Variants in THOC5 observed in about 807,000 individuals in gnomAD.
The protein encoded by THOC5 is Fms-interacting protein.
In THOC5, 43 loss-of-function variants were observed where a neutral mutation model predicts 92.9. The ratio of observed to expected loss-of-function variants is 0.46; its 90% CI spans 0.36 to 0.60. The LOEUF is 0.60. Among genes scored for constraint, THOC5 ranks in the 20% least tolerant of loss-of-function variants. The probability of loss-of-function intolerance (pLI) is 0.00; values close to 1 mark genes in which losing one functional copy is unlikely to be tolerated. For synonymous variants in THOC5, 296 were observed against 320.1 expected, an observed-to-expected ratio of 0.92 and a Z score of 0.80; for missense variants, 659 against 849.4, an observed-to-expected ratio of 0.78 and a Z score of 2.79.
Position 29,543,546 on chromosome 22 carries a change from T to G in THOC5, c.241-4A>C. 6.2e-7 allele frequency: 1 copy of G among 1,608,800 alleles called. No individual in the cohort carries two copies. Among genetic ancestry groups the G allele is most frequent in the South Asian group, 1.1e-5 (1 of 90,944 alleles). On this transcript the variant is annotated splice_region_variant and splice_polypyrimidine_tract_variant and intron_variant, in intron 3 of 19. Transcript: ENST00000490103. ...TCCGTTCTTCTATTTCTATTGCCTG[T>G]GGGCAAAGAAAACAGTAAAGCCCAC...
chr22:29,545,816 C>T (rs1006099005), intron 2 of THOC5, among the ~76,000 whole-genome samples: 1 of 152,180 alleles, frequency 6.6e-6, no homozygotes, highest in Non-Finnish European at 1.5e-5. Flanking sequence ...ATGGTGCAAG[C>T]CGTTCGTGGA....
chr22:29,515,059 TGAAA>T (rs1235538334), intron 17 of THOC5, among the ~76,000 whole-genome samples: 1 of 151,698 alleles, frequency 6.6e-6, no homozygotes, highest in African/African-American at 2.4e-5. Context: ...TTGTTTTTTT[TGAAA>T]GAGAGTCTTG....
At chr22:29,552,125 C>T (rs1309402135) in intron 1 of THOC5, among the ~76,000 whole-genome samples, 1 of 152,098 alleles carries the variant, frequency 6.6e-6, no homozygotes, top group African/African-American at 2.4e-5. Context: ...GGCGTGATCT[C>T]GGCTCGCTAC....
At chr22:29,509,883 G>A (rs1312120846) in intron 19 of THOC5, among the ~76,000 whole-genome samples, 1 of 151,734 alleles carries the variant, frequency 6.6e-6, no homozygotes, top group Non-Finnish European at 1.5e-5. Flanking sequence ...GGAGAGGTAA[G>A]GCACTGCTTA....
At chr22:29,531,204 G>C (rs899200593) in intron 8 of THOC5, 3 of 1,055,804 alleles carry the variant, frequency 2.8e-6, no homozygotes, top group African/African-American at 3.4e-5. Context: ...TGGTGCCCAA[G>C]GTGGGAGGAG....
chr22:29,511,695 C>T (rs1218440206), intron 18 of THOC5, among the ~76,000 whole-genome samples: 1 of 152,258 alleles, frequency 6.6e-6, no homozygotes, highest in African/African-American at 2.4e-5. Context: ...GCAGTGATGT[C>T]ATTCCTCATG....
intron 1 of THOC5, among the ~76,000 whole-genome samples, chr22:29,549,739 A>G (rs549900964): frequency 6.6e-6 from 1 of 152,110 alleles, no homozygotes; most frequent in African/African-American, 2.4e-5. Context: ...CATTTCTTGC[A>G]TTCCTATTCC....
At chr22:29,552,168 C>T (rs2064167298) in intron 1 of THOC5, among the ~76,000 whole-genome samples, 1 of 152,198 alleles carries the variant, frequency 6.6e-6, no homozygotes, top group East Asian at 1.9e-4. Context: ...GCCTTGGCCT[C>T]CCAAAGTGCC....
chr22:29,543,554 G>C lies in THOC5; in HGVS notation c.241-12C>G, dbSNP rs368167881. On this transcript the variant is annotated splice_polypyrimidine_tract_variant and intron_variant, in intron 3 of 19. Transcript: ENST00000490103. ...TCTATTTCTATTGCCTGTGGGCAAA[G>C]AAAACAGTAAAGCCCACTGACGACA... is the stretch of plus-strand genomic sequence containing the variant. 6 of 1,600,774 alleles carry C rather than the reference G, an allele frequency of 3.7e-6. No homozygotes were observed. Among genetic ancestry groups the C allele is most frequent in the South Asian group, 2.2e-5 (2 of 90,784 alleles).
At chr22:29,551,075 G>C (rs904661157) in intron 1 of THOC5, among the ~76,000 whole-genome samples, 2 of 152,116 alleles carry the variant, frequency 1.3e-5, no homozygotes, top group African/African-American at 4.8e-5. Flanking sequence ...CATAAAACAA[G>C]TGAAAGCAGC....
intron 5 of THOC5, among the ~76,000 whole-genome samples, chr22:29,542,142 G>T (rs1276322709): frequency 6.6e-6 from 1 of 151,850 alleles, no homozygotes; most frequent in East Asian, 1.9e-4. Context: ...AAGAAATTCA[G>T]GTTCCAAAGA....
intron 1 of THOC5, among the ~76,000 whole-genome samples, chr22:29,551,370 G>A (rs754574168): frequency 3.3e-5 from 5 of 152,096 alleles, no homozygotes; most frequent in African/African-American, 4.8e-5. Flanking sequence ...GGGAGCAGAG[G>A]TTGCAATGAG....
intron 12 of THOC5, among the ~76,000 whole-genome samples, chr22:29,523,155 TC>T (rs1360486997): frequency 3.3e-5 from 5 of 149,806 alleles, no homozygotes; most frequent in Non-Finnish European, 7.4e-5. Context: ...GGCAGGAGAA[TC>T]ACTTGAACCA....
In THOC5 at chr22:29,549,094, T is replaced by G; in HGVS notation, c.54A>C (p.Gly18=). ...GATTCCGCTTTCCTTCAGCTGGGGC[T>G]CCATCGCTTCGGATCACTTTGGGCT... ...KRKPKVIRSD[G]APAEGKRNRS... The change falls in exon 2 of 20, where the codon GGA becomes GGC. Residue 18 remains glycine (G), a synonymous_variant. Transcript: ENST00000490103. 6.2e-7 allele frequency: 1 copy of G among 1,614,172 alleles called. No homozygotes were observed. The highest frequency in any genetic ancestry group is 8.5e-7 in the Non-Finnish European group (1 of 1,180,034).
chr22:29,529,844 CTT>C (rs1434411256), intron 8 of THOC5, among the ~76,000 whole-genome samples: 1 of 152,162 alleles, frequency 6.6e-6, no homozygotes, highest in Non-Finnish European at 1.5e-5. Flanking sequence ...GAAAAGGGGA[CTT>C]GAAAAATAGT....
At chr22:29,543,795 C>T (rs1370631697) in intron 3 of THOC5, among the ~76,000 whole-genome samples, 2 of 152,128 alleles carry the variant, frequency 1.3e-5, no homozygotes, top group East Asian at 3.8e-4. Flanking sequence ...GCAGCAAAGG[C>T]ACAATCTATC....
chr22:29,538,398 A>G (rs2063804349), intron 6 of THOC5, among the ~76,000 whole-genome samples: 1 of 152,244 alleles, frequency 6.6e-6, no homozygotes, highest in Non-Finnish European at 1.5e-5. Flanking sequence ...ACCTCCTGAA[A>G]TAGTGTTTAC....
chr22:29,522,385 A>G (rs944937273), intron 12 of THOC5, among the ~76,000 whole-genome samples: 4 of 151,532 alleles, frequency 2.6e-5, no homozygotes, highest in African/African-American at 4.8e-5. Context: ...ATAAAATAAA[A>G]TAAAATAAAA....
chr22:29,517,790 G>A (rs935423049), intron 15 of THOC5, among the ~76,000 whole-genome samples: 1 of 152,234 alleles, frequency 6.6e-6, no homozygotes, highest in African/African-American at 2.4e-5. Context: ...AACTGCTCCA[G>A]GGTAAATTCC....
Sources: allele counts gnomAD v4.1 joint callset (sites outside exome capture counted in the v4.1 genomes callset), GRCh38; gene constraint gnomAD v4.1.1; transcripts MANE v1.5; gene names NCBI Gene and HGNC (gene_info 2026-07-23, HGNC 2026-07-21).